RBMS3: variants seen among roughly 807,000 people sequenced by gnomAD.
RBMS3 encodes the protein RNA-binding motif, single-stranded-interacting protein 3.
In RBMS3, 27 loss-of-function variants were observed where a neutral mutation model predicts 66.8. The observed-to-expected ratio is 0.40, with a 90% CI of 0.30 to 0.56. RBMS3 has a LOEUF of 0.56. RBMS3 is among the 20% of genes least tolerant of loss of function. The pLI, the probability that RBMS3 is intolerant of heterozygous loss-of-function variation, is 0.40. For missense variants in RBMS3, 513 were observed against 549.5 expected, an observed-to-expected ratio of 0.93 and a Z score of 0.66; for synonymous variants, 188 against 183.0, an observed-to-expected ratio of 1.03 and a Z score of -0.22.
At chr3:29,750,880 G>C (rs1559634503) in intron 5 of RBMS3, among the ~76,000 whole-genome samples, 1 of 152,086 alleles carries the variant, frequency 6.6e-6, no homozygotes, top group Non-Finnish European at 1.5e-5. Flanking sequence ...CAAATTAAAA[G>C]ATAATTTTAG....
rs941491674 is a variant in RBMS3 at position 29,613,260 on chromosome 3, A to G, written c.399+26055A>G. 3.9e-5 allele frequency among the ~76,000 whole-genome samples: 6 copies of G among 152,246 alleles called. No individual in the cohort carries two copies. In the East Asian group the frequency reaches 5.8e-4, roughly 15 times the overall value. ...GTTTTTAATTTTTTGAGGAATCTCCATACTATTTTCCATAATGGCTGTCCT... is the reference window on the plus strand; with the variant it reads ...GTTTTTAATTTTTTGAGGAATCTCCGTACTATTTTCCATAATGGCTGTCCT... On this transcript the variant is annotated intron_variant, in intron 4 of 14. Transcript: ENST00000383767.
At chr3:29,405,993 G>T (rs1455208342) in intron 1 of RBMS3, among the ~76,000 whole-genome samples, 1 of 152,138 alleles carries the variant, frequency 6.6e-6, no homozygotes, top group African/African-American at 2.4e-5. Flanking sequence ...TATCCTAATT[G>T]TTACATTTTA....
intron 2 of RBMS3, among the ~76,000 whole-genome samples, chr3:29,479,530 A>G (rs2043061115): frequency 6.6e-6 from 1 of 151,540 alleles, no homozygotes; most frequent in African/African-American, 2.4e-5. Flanking sequence ...CATATAAAAT[A>G]ATAAATATAT....
At chr3:29,693,767 A>G (rs566679574) in intron 4 of RBMS3, among the ~76,000 whole-genome samples, 142 of 152,334 alleles carry the variant, frequency 9.3e-4, no homozygotes, top group African/African-American at 3.4e-3. Flanking sequence ...GATAATTTCA[A>G]TGATTTGATC....
rs576495771 is a variant in RBMS3 at position 29,913,717 on chromosome 3, C to G, written c.939+13962C>G. Among the ~76,000 whole-genome samples the G allele has an allele frequency of 8.4e-4, 127 of 152,020 alleles. 1 individual carries two copies. The highest frequency in any genetic ancestry group is 2.9e-3 in the African/African-American group (121 of 41,530). On this transcript the variant is annotated intron_variant, in intron 10 of 14. Coordinates refer to ENST00000383767, the MANE Select transcript of RBMS3 (RefSeq NM_001003793.3). ...ATCAAAGAGTTATTCTTAAACGGTT[C>G]TTAATCAATACACATTAGAACCATT...
intron 4 of RBMS3, among the ~76,000 whole-genome samples, chr3:29,685,137 C>A (rs1364907209): frequency 2.0e-5 from 3 of 152,152 alleles, no homozygotes; most frequent in African/African-American, 7.2e-5. Context: ...CGGCTCACTG[C>A]AAGCTCCGCC....
intron 4 of RBMS3, among the ~76,000 whole-genome samples, chr3:29,708,051 TAGAG>T (rs2052990022): frequency 1.3e-5 from 2 of 152,220 alleles, no homozygotes; most frequent in African/African-American, 2.4e-5. Flanking sequence ...ACCTTCCGTT[TAGAG>T]AGTATCATGC....
chr3:30,000,737 A>G (rs112845980), intron 14 of RBMS3, among the ~76,000 whole-genome samples: 12,439 of 152,158 alleles, frequency 0.082, 845 homozygotes, highest in South Asian at 0.18. Flanking sequence ...TGTCCTTTGT[A>G]GGGACATGGA....
At chr3:29,873,177 G>T (rs936805469) in intron 7 of RBMS3, among the ~76,000 whole-genome samples, 1 of 152,008 alleles carries the variant, frequency 6.6e-6, no homozygotes, top group African/African-American at 2.4e-5. Flanking sequence ...ATTGCTTTGG[G>T]CAGTATGACC....
At chr3:29,643,780 C>T (rs573146576) in intron 4 of RBMS3, among the ~76,000 whole-genome samples, 5 of 152,158 alleles carry the variant, frequency 3.3e-5, no homozygotes, top group Admixed American at 6.6e-5. Context: ...TTAGTTCTGT[C>T]GTTGTCTCTG....
At chr3:29,294,919 A>G (rs1488686684) in intron 1 of RBMS3, among the ~76,000 whole-genome samples, 1 of 151,736 alleles carries the variant, frequency 6.6e-6, no homozygotes, top group Non-Finnish European at 1.5e-5. Context: ...GGGTTTTTTA[A>G]CTCAGAATTT....
intron 4 of RBMS3, among the ~76,000 whole-genome samples, chr3:29,608,958 A>G (rs2048401664): frequency 6.6e-6 from 1 of 152,008 alleles, no homozygotes; most frequent in Admixed American, 6.6e-5. Flanking sequence ...TTTCATTCAT[A>G]TTCTTTATGG....
At chr3:29,505,828 T>C (rs2044162785) in intron 3 of RBMS3, among the ~76,000 whole-genome samples, 1 of 151,834 alleles carries the variant, frequency 6.6e-6, no homozygotes, top group African/African-American at 2.4e-5. Flanking sequence ...TATTTGATAT[T>C]TTTGTAGTGA....
At chr3:29,804,006 A>T (rs1052268655) in intron 6 of RBMS3, among the ~76,000 whole-genome samples, 1 of 152,092 alleles carries the variant, frequency 6.6e-6, no homozygotes, top group Non-Finnish European at 1.5e-5. Context: ...CAAAATCATT[A>T]GAGAACACCT....
At chr3:29,857,413 G>A (rs2059107472) in intron 6 of RBMS3, among the ~76,000 whole-genome samples, 1 of 149,980 alleles carries the variant, frequency 6.7e-6, no homozygotes, top group Non-Finnish European at 1.5e-5. Flanking sequence ...TTTTCCTAGG[G>A]TGGTTAACAT....
intron 12 of RBMS3, among the ~76,000 whole-genome samples, chr3:29,985,938 C>T (rs867761327): frequency 2.6e-4 from 39 of 152,230 alleles, no homozygotes; most frequent in Middle Eastern, 3.4e-3. Context: ...TTTCTAATGA[C>T]CTCTAATTCA....
At chr3:29,911,112 A>G (rs193013486) in intron 10 of RBMS3, among the ~76,000 whole-genome samples, 1 of 152,232 alleles carries the variant, frequency 6.6e-6, no homozygotes, top group East Asian at 1.9e-4. Flanking sequence ...GAGGGAGTAG[A>G]GGAATAAGAA....
intron 3 of RBMS3, among the ~76,000 whole-genome samples, chr3:29,531,840 C>A (rs1032937010): frequency 5.3e-5 from 8 of 152,140 alleles, no homozygotes; most frequent in Non-Finnish European, 1.0e-4. Context: ...AGAGTTAAGC[C>A]ACATTTGGTT....
At chr3:29,514,652 T>C (rs1218736300) in intron 3 of RBMS3, among the ~76,000 whole-genome samples, 4 of 56,460 alleles carry the variant, frequency 7.1e-5, no homozygotes, top group Non-Finnish European at 1.3e-4. Flanking sequence ...GATAGGCACA[T>C]ATATATATAT....
Sources: allele counts gnomAD v4.1 joint callset (sites outside exome capture counted in the v4.1 genomes callset), GRCh38; gene constraint gnomAD v4.1.1; transcripts MANE v1.5; gene names NCBI Gene and HGNC (gene_info 2026-07-23, HGNC 2026-07-21).